The following VRK2 variants were observed in gnomAD, a reference collection of about 807,000 sequenced individuals.
VRK2 encodes the protein VRK serine/threonine kinase 2, also known as serine/threonine-protein kinase VRK2.
Under a neutral mutation model 57.6 loss-of-function variants are expected in VRK2, and 60 were observed. The observed-to-expected ratio is 1.04, with a 90% CI of 0.85 to 1.29. The LOEUF (loss-of-function observed/expected upper bound fraction) is 1.29, where lower values mean the gene tolerates loss of function less well. Ranked by LOEUF, VRK2 falls within the 50% of genes most tolerant of loss-of-function variation. The pLI, the probability that VRK2 is intolerant of heterozygous loss-of-function variation, is 0.00. For synonymous variants in VRK2, 231 were observed against 199.2 expected (o/e 1.16, Z -1.35); for missense variants, 705 against 588.1 (o/e 1.20, Z -2.06).
chr2:58,081,218 TG>T (rs1670821965), intron 2 of VRK2, among the ~76,000 whole-genome samples: 1 of 152,012 alleles, frequency 6.6e-6, no homozygotes, highest in East Asian at 1.9e-4. Flanking sequence ...CTATCAGCTA[TG>T]TACATAACTC....
Position 58,151,731 on chromosome 2 carries a change from G to GTTT in VRK2, c.1182+5291_1182+5293dup, listed in dbSNP as rs60379025. ...TTTTTTTAACTATGCTTCTATGCTT[G>GTTT]TTTTTTTTTTTTTTTTTTTTTTTTT... On this transcript the variant is annotated intron_variant, in intron 12 of 12. Transcript: ENST00000340157. 1.2e-4 allele frequency among the ~76,000 whole-genome samples: 2 copies of GTTT among 16,722 alleles called. 1 individual carries two copies. Among genetic ancestry groups the GTTT allele is most frequent in the African/African-American group, 2.7e-4 (2 of 7,436 alleles). The allele number at this position is 16,722 out of a possible 152,430, so 11.0% of individuals were successfully genotyped here. A position where few individuals can be genotyped will look rare whatever the true frequency, so the allele number is the denominator to read the frequency against.
chr2:57,915,920 T>C (rs1670132584), intron 1 of VRK2, among the ~76,000 whole-genome samples: 1 of 151,964 alleles, frequency 6.6e-6, no homozygotes, highest in South Asian at 2.1e-4. Flanking sequence ...GGGATCTAGG[T>C]TGCACGCTCC....
At chr2:58,108,776 G>A (rs1455473002) in intron 7 of VRK2, among the ~76,000 whole-genome samples, 3 of 152,138 alleles carry the variant, frequency 2.0e-5, no homozygotes, top group Admixed American at 2.0e-4. Flanking sequence ...GCCTGTAGAT[G>A]TGCTTATGCC....
At chr2:57,926,439 ATGTGTG>A (rs142768773) in intron 1 of VRK2, among the ~76,000 whole-genome samples, 41,765 of 145,480 alleles carry the variant, frequency 0.29, 6,666 homozygotes, top group African/African-American at 0.45. Flanking sequence ...ACATATATAT[ATGTGTG>A]TGTGTGTGTG....
chr2:58,113,382 C>A (rs1214087971), intron 7 of VRK2, among the ~76,000 whole-genome samples: 1 of 151,430 alleles, frequency 6.6e-6, no homozygotes, highest in East Asian at 1.9e-4. Flanking sequence ...GATGGAACTT[C>A]AGAGAGAGCC....
At chr2:57,947,130 T>G (rs1205725411) in intron 1 of VRK2, among the ~76,000 whole-genome samples, 1 of 152,142 alleles carries the variant, frequency 6.6e-6, no homozygotes, top group African/African-American at 2.4e-5. Flanking sequence ...CGTTACTTCA[T>G]CAATGCCAGA....
At chr2:57,915,407 C>T (rs1670113964) in intron 1 of VRK2, among the ~76,000 whole-genome samples, 1 of 151,998 alleles carries the variant, frequency 6.6e-6, no homozygotes, top group Admixed American at 6.5e-5. Context: ...TTCAAAGTGG[C>T]AAGTTTTATC....
At chr2:58,086,895 GT>G (rs1482544105) in intron 5 of VRK2, among the ~76,000 whole-genome samples, 1 of 152,068 alleles carries the variant, frequency 6.6e-6, no homozygotes, top group African/African-American at 2.4e-5. Flanking sequence ...GGAAGTCATC[GT>G]TTTTTGTAAT....
At chr2:58,038,116 A>C (rs1466621869) in intron 3 of VRK2, among the ~76,000 whole-genome samples, 1 of 152,092 alleles carries the variant, frequency 6.6e-6, no homozygotes, top group Non-Finnish European at 1.5e-5. Flanking sequence ...CTGTGTCCCC[A>C]CCCAAATCTC....
At chr2:58,010,328 C>A (rs1673381267) in intron 1 of VRK2, among the ~76,000 whole-genome samples, 1 of 152,000 alleles carries the variant, frequency 6.6e-6, no homozygotes, top group Non-Finnish European at 1.5e-5. Context: ...AGTATGAGCT[C>A]TTATTAATTT....
chr2:58,052,721 G>T (rs576200139), intron 2 of VRK2, among the ~76,000 whole-genome samples: 2 of 152,182 alleles, frequency 1.3e-5, no homozygotes, highest in Non-Finnish European at 2.9e-5. Flanking sequence ...TACTAATGTG[G>T]TAAAACTGAG....
intron 1 of VRK2, among the ~76,000 whole-genome samples, chr2:57,991,956 CA>C (rs111539756): frequency 4.9e-3 from 499 of 101,512 alleles, no homozygotes; most frequent in Middle Eastern, 0.014. Flanking sequence ...GACTCCAACT[CA>C]AAAAAAAAAA....
At chr2:57,991,099 C>A (rs1433299574) in intron 1 of VRK2, among the ~76,000 whole-genome samples, 3 of 152,080 alleles carry the variant, frequency 2.0e-5, no homozygotes, top group South Asian at 4.1e-4. Flanking sequence ...TCCTTTGCCT[C>A]TAATGTGAAC....
At chr2:57,958,722 A>G (rs1013969253) in intron 1 of VRK2, among the ~76,000 whole-genome samples, 2 of 152,158 alleles carry the variant, frequency 1.3e-5, no homozygotes, top group African/African-American at 4.8e-5. Flanking sequence ...TTCAGAATAA[A>G]ATTTTTTAAT....
intron 1 of VRK2, chr2:58,047,152 C>T (rs996844271): frequency 1.6e-5 from 5 of 316,570 alleles, no homozygotes; most frequent in South Asian, 1.2e-4. Context: ...CTCTTTTTGC[C>T]GGTGCAGAGA....
At chr2:57,932,439 T>A (rs2103935031) in intron 1 of VRK2, among the ~76,000 whole-genome samples, 1 of 152,286 alleles carries the variant, frequency 6.6e-6, no homozygotes, top group East Asian at 1.9e-4. Context: ...ATTATCTTTT[T>A]AAAGGAATTT....
chr2:58,094,426 AGTT>A (rs1283216685), intron 7 of VRK2, among the ~76,000 whole-genome samples: 2 of 152,184 alleles, frequency 1.3e-5, no homozygotes, highest in Non-Finnish European at 2.9e-5. Flanking sequence ...TCTTTGAAGC[AGTT>A]GTGAATGGGA....
In VRK2 at chr2:58,115,496, G is replaced by A. The variant is rs538105381; in HGVS notation, c.544-7605G>A. On this transcript the variant is annotated intron_variant, in intron 7 of 12. Transcript: ENST00000340157. ...GGGCCTCTAACAGTATTAAAGCAGC[G>A]GCAGCCGCTGCATGCAGACATGAGG... Among the ~76,000 whole-genome samples, 101 of 152,248 alleles carry A rather than the reference G, an allele frequency of 6.6e-4. No individual in the cohort carries two copies. In the South Asian group the frequency reaches 9.5e-3, roughly 14 times the overall value.
At chr2:57,953,014 A>G (rs1478621171) in intron 1 of VRK2, among the ~76,000 whole-genome samples, 1 of 152,194 alleles carries the variant, frequency 6.6e-6, no homozygotes, top group Admixed American at 6.5e-5. Flanking sequence ...GGACAGAGTG[A>G]TGTGTGGCCA....
Sources: allele counts gnomAD v4.1 joint callset (sites outside exome capture counted in the v4.1 genomes callset), GRCh38; gene constraint gnomAD v4.1.1; transcripts MANE v1.5; gene names NCBI Gene and HGNC (gene_info 2026-07-23, HGNC 2026-07-21).